The following CTBP2 variants were observed in gnomAD, a reference collection of about 807,000 sequenced individuals.
CTBP2 encodes C-terminal binding protein 2, also known as C-terminal-binding protein 2.
A neutral mutation model predicts 80.3 loss-of-function variants in CTBP2; 30 were observed. That is an observed-to-expected ratio of 0.37 (90% CI 0.28 to 0.51). CTBP2 has a LOEUF of 0.51. Among genes scored for constraint, CTBP2 ranks in the 20% least tolerant of loss-of-function variants. The pLI, the probability that CTBP2 is intolerant of heterozygous loss-of-function variation, is 0.93. For missense variants in CTBP2, 1,212 were observed against 1,375.3 expected (o/e 0.88, Z 1.88); for synonymous variants, 594 against 587.4 (o/e 1.01, Z -0.16).
intron 2 of CTBP2, among the ~76,000 whole-genome samples, chr10:125,070,197 A>G (rs2135442421): frequency 6.6e-6 from 1 of 152,152 alleles, no homozygotes; most frequent in African/African-American, 2.4e-5. Context: ...TAAAAATACA[A>G]AAAATTAGCC....
intron 1 of CTBP2, among the ~76,000 whole-genome samples, chr10:125,127,385 G>A (rs1225008508): frequency 2.0e-5 from 3 of 152,210 alleles, no homozygotes; most frequent in Non-Finnish European, 4.4e-5. Context: ...AGGCTGGCAG[G>A]TCACCGGGGC....
chr10:125,002,803 G>C (rs907343856), intron 3 of CTBP2, among the ~76,000 whole-genome samples, 157 bp downstream of exon 5: 10 of 152,216 alleles, frequency 6.6e-5, no homozygotes, highest in African/African-American at 2.4e-4. Flanking sequence ...AGGCAGGGCC[G>C]CAAGGTGCTC....
intron 8 of CTBP2, among the ~76,000 whole-genome samples, chr10:124,992,221 T>TTC (rs1554947935): frequency 1.3e-5 from 2 of 149,486 alleles, no homozygotes; most frequent in African/African-American, 4.9e-5. Context: ...TTTTTTTTTT[T>TTC]TTTTTTTGGT....
intron 1 of CTBP2, among the ~76,000 whole-genome samples, chr10:125,010,754 A>G (rs1000848120): frequency 6.6e-6 from 1 of 152,234 alleles, no homozygotes; most frequent in Non-Finnish European, 1.5e-5. Context: ...GCAGCGTGGT[A>G]CAAAATGAGT....
At chr10:125,108,224 C>T (rs1851750185) in intron 2 of CTBP2, among the ~76,000 whole-genome samples, 1 of 152,188 alleles carries the variant, frequency 6.6e-6, no homozygotes, top group Admixed American at 6.5e-5. Context: ...CAGGAGAAGG[C>T]TGAAGTGTTT....
chr10:124,987,134 T>A lies in CTBP2; in HGVS notation c.*2384A>T, dbSNP rs1205329441. On this transcript the variant is annotated 3_prime_UTR_variant, in exon 9 of 9. Coordinates refer to ENST00000309035, the MANE Select transcript of CTBP2 (RefSeq NM_022802.3). ...GGCTGTTAAAGGCCAAAAATTTTGGTAAATCAATGCTATATTATGCTCTTG... is the reference window on the plus strand; with the variant it reads ...GGCTGTTAAAGGCCAAAAATTTTGGAAAATCAATGCTATATTATGCTCTTG... 2.0e-5 allele frequency: 3 copies of A among 152,724 alleles called. No individual in the cohort carries two copies. 9.5% of individuals were successfully genotyped at this position (152,724 alleles called of 1,614,324 possible). A position where few individuals can be genotyped will look rare whatever the true frequency, so the allele number is the denominator to read the frequency against.
intron 2 of CTBP2, among the ~76,000 whole-genome samples, chr10:125,054,921 C>T (rs1255566846): frequency 3.9e-5 from 6 of 152,128 alleles, no homozygotes; most frequent in South Asian, 4.2e-4. Context: ...GCTGAAGGAA[C>T]GGAAAGTCTG....
intron 2 of CTBP2, among the ~76,000 whole-genome samples, chr10:125,106,180 A>G (rs1162680007): frequency 6.6e-6 from 1 of 151,996 alleles, no homozygotes; most frequent in Non-Finnish European, 1.5e-5. Context: ...ACACTGCCAC[A>G]CTCTCAGCGG....
intron 1 of CTBP2, among the ~76,000 whole-genome samples, chr10:125,023,472 T>C (rs545532184): frequency 2.0e-5 from 3 of 152,210 alleles, no homozygotes; most frequent in African/African-American, 2.4e-5. Flanking sequence ...CACGGGGAGA[T>C]TGCTGGCTCG....
At chr10:125,005,731 C>G in intron 1 of CTBP2, 1 of 1,612,942 alleles carries the variant, frequency 6.2e-7, no homozygotes. Flanking sequence ...AAGATTCCTT[C>G]TGTTTCAGTA....
intron 3 of CTBP2, among the ~76,000 whole-genome samples, chr10:125,037,020 G>A (rs1958974780): frequency 6.6e-6 from 1 of 152,200 alleles, no homozygotes; most frequent in Admixed American, 6.5e-5. Flanking sequence ...ACCCACACTG[G>A]AGTAACTGCA....
chr10:125,141,822 G>C (rs1453165020), intron 1 of CTBP2, among the ~76,000 whole-genome samples: 6 of 152,136 alleles, frequency 3.9e-5, no homozygotes, highest in Non-Finnish European at 8.8e-5. Flanking sequence ...GTGAGCACGC[G>C]GCAAACACAC....
chr10:125,105,362 G>A (rs545814328), intron 2 of CTBP2, among the ~76,000 whole-genome samples: 71 of 152,328 alleles, frequency 4.7e-4, no homozygotes, highest in African/African-American at 1.4e-3. Flanking sequence ...ATGTTGCCCA[G>A]GCTGGTCTCA....
At chr10:125,025,954 G>T in intron 1 of CTBP2, 1 of 1,269,898 alleles carries the variant, frequency 7.9e-7, no homozygotes, top group Non-Finnish European at 1.1e-6. Flanking sequence ...CGTCCTTCTT[G>T]TTTGGTGGTG....
rs749018228 is a variant in CTBP2, at chr10:124,984,765, C to T, written c.*4753G>A. ...TGATTTTCCCTTTGTCTTCATATTC[C>T]TCCAAAAGCTAGGTAATGAGGAACA... On this transcript the variant is annotated 3_prime_UTR_variant, in exon 9 of 9. Transcript: ENST00000309035. The T allele has an allele frequency of 6.2e-7, 1 of 1,611,354 alleles. No homozygotes were observed. Among genetic ancestry groups the T allele is most frequent in the Non-Finnish European group, 8.5e-7 (1 of 1,178,188 alleles).
At chr10:125,107,369 C>T (rs1019145044) in intron 2 of CTBP2, among the ~76,000 whole-genome samples, 2 of 152,194 alleles carry the variant, frequency 1.3e-5, no homozygotes, top group African/African-American at 4.8e-5. Context: ...TGCATGCAGG[C>T]CAGGAGCTCA....
chr10:124,992,860 G>T (rs374316412), intron 7 of CTBP2, 48 bp from the exon 10 acceptor site: 2 of 1,442,696 alleles, frequency 1.4e-6, no homozygotes, highest in African/African-American at 1.4e-5. Flanking sequence ...ACAAATCACA[G>T]TAAGTTCAAC....
chr10:125,140,904 C>G (rs919055141), intron 1 of CTBP2, among the ~76,000 whole-genome samples: 2 of 152,024 alleles, frequency 1.3e-5, no homozygotes, highest in African/African-American at 4.8e-5. Context: ...CTTTGGGAGG[C>G]CGAGACAGGC....
chr10:125,078,234 C>T (rs1354146260), intron 2 of CTBP2, among the ~76,000 whole-genome samples: 2 of 147,718 alleles, frequency 1.4e-5, no homozygotes, highest in Non-Finnish European at 3.0e-5. Flanking sequence ...GAGCCGAGAT[C>T]GCGCCTCTGC....
Sources: gnomAD v4.1 joint callset for allele counts (sites outside exome capture counted in the v4.1 genomes callset) on GRCh38, gnomAD v4.1.1 for gene constraint, MANE v1.5 for transcripts, NCBI Gene and HGNC (gene_info 2026-07-23, HGNC 2026-07-21) for gene names.